The following TAF3 variants were observed in gnomAD, a reference collection of about 807,000 sequenced individuals.
TAF3 encodes TATA-box binding protein associated factor 3, also known as transcription initiation factor TFIID subunit 3.
A neutral mutation model predicts 80.6 loss-of-function variants in TAF3; 7 were observed. The ratio of observed to expected loss-of-function variants is 0.09; its 90% confidence interval spans 0.05 to 0.16. The LOEUF is 0.16. TAF3 is among the 10% of genes least tolerant of loss of function. The probability of loss-of-function intolerance (pLI) is 1.00; values close to 1 mark genes in which losing one functional copy is unlikely to be tolerated. For synonymous variants in TAF3, 444 were observed against 446.1 expected, an observed-to-expected ratio of 1.00 and a Z score of 0.06; for missense variants, 921 against 1,140.2, an observed-to-expected ratio of 0.81 and a Z score of 2.77.
intron 2 of TAF3, among the ~76,000 whole-genome samples, chr10:7,960,936 C>T (rs1392650274): frequency 6.6e-6 from 1 of 152,040 alleles, no homozygotes; most frequent in African/African-American, 2.4e-5. Context: ...TTCTACAAAC[C>T]CTCAATTTCC....
intron 2 of TAF3, chr10:7,833,884 G>A (rs532750060): frequency 2.9e-5 from 24 of 821,290 alleles, no homozygotes; most frequent in African/African-American, 2.9e-4. Flanking sequence ...AGTTTGGAGC[G>A]GTACCCCTTC....
intron 4 of TAF3, among the ~76,000 whole-genome samples, chr10:8,004,540 T>C (rs141061037): frequency 1.4e-3 from 218 of 152,312 alleles, no homozygotes; most frequent in African/African-American, 4.7e-3. Flanking sequence ...GTTTCATCTT[T>C]ATTCCTTAAA....
chr10:7,874,121 T>C (rs116851163), intron 2 of TAF3, among the ~76,000 whole-genome samples: 389 of 152,320 alleles, frequency 2.6e-3, no homozygotes, highest in Non-Finnish European at 3.8e-3. Context: ...GAGCTTGTCA[T>C]ATAAAATATA....
chr10:7,929,078 G>A (rs114132750), intron 2 of TAF3, among the ~76,000 whole-genome samples: 1,688 of 152,144 alleles, frequency 0.011, 33 homozygotes, highest in African/African-American at 0.038. Context: ...GGTTTTTAAG[G>A]GAGGTTTTTG....
At chr10:7,853,867 G>C (rs1273347926) in intron 2 of TAF3, among the ~76,000 whole-genome samples, 1 of 152,172 alleles carries the variant, frequency 6.6e-6, no homozygotes, top group African/African-American at 2.4e-5. Flanking sequence ...TCATCCATCA[G>C]TTGCAACCAC....
chr10:7,828,817 T>G (rs969161102), intron 2 of TAF3, among the ~76,000 whole-genome samples: 1 of 151,940 alleles, frequency 6.6e-6, no homozygotes, highest in African/African-American at 2.4e-5. Context: ...GCGGATCACT[T>G]GAGGTCAGGA....
At chr10:7,884,983 ATTTTTG>A (rs1837395654) in intron 2 of TAF3, among the ~76,000 whole-genome samples, 1 of 141,338 alleles carries the variant, frequency 7.1e-6, no homozygotes, top group Non-Finnish European at 1.6e-5. Flanking sequence ...CTGGAGTTTA[ATTTTTG>A]TTCAGTTTTT....
At chr10:7,867,334 TTTTG>T (rs1837223851) in intron 2 of TAF3, among the ~76,000 whole-genome samples, 2 of 152,176 alleles carry the variant, frequency 1.3e-5, no homozygotes, top group Admixed American at 6.5e-5. Flanking sequence ...TTTAAAATTA[TTTTG>T]TATTTTAGAG....
chr10:7,990,433 T>C (rs1002721170), intron 4 of TAF3, among the ~76,000 whole-genome samples: 37 of 152,220 alleles, frequency 2.4e-4, no homozygotes, highest in Non-Finnish European at 4.6e-4. Flanking sequence ...AATTTGTATC[T>C]GCTTTATATG....
intron 2 of TAF3, chr10:7,833,738 G>A (rs561236477): frequency 2.7e-4 from 63 of 235,832 alleles, no homozygotes; most frequent in African/African-American, 1.4e-3. Context: ...TCTCCTCAGT[G>A]GTGACTTGAG....
intron 2 of TAF3, among the ~76,000 whole-genome samples, chr10:7,857,997 G>A (rs1265125025): frequency 1.3e-5 from 2 of 151,258 alleles, no homozygotes; most frequent in Non-Finnish European, 2.9e-5. Flanking sequence ...GTAGGGGAGA[G>A]TGGAATTTGA....
intron 2 of TAF3, among the ~76,000 whole-genome samples, chr10:7,932,742 G>C (rs1837880146): frequency 7.5e-6 from 1 of 133,866 alleles, no homozygotes; most frequent in East Asian, 2.3e-4. Flanking sequence ...CAGTGGCACA[G>C]TCGTGGCTGA....
rs529245211 is a variant in TAF3 at position 7,934,498 on chromosome 10, G to A, written c.410-29422G>A. 4.6e-5 allele frequency among the ~76,000 whole-genome samples: 7 copies of A among 152,256 alleles called. No homozygotes were observed. The East Asian group carries it at 1.2e-3, about 25-fold the overall frequency. On this transcript the variant is annotated intron_variant, in intron 2 of 6. Transcript: ENST00000344293. ...CTTGTTCTGTCACCCAGGCTGGAGT[G>A]CAGTGGCACGATCTCAGCTCATTGC...
intron 2 of TAF3, among the ~76,000 whole-genome samples, chr10:7,852,742 G>A (rs1837040886): frequency 6.6e-6 from 1 of 152,142 alleles, no homozygotes; most frequent in Admixed American, 6.5e-5. Context: ...TTGCAAATTG[G>A]TAACAGTCTA....
chr10:7,879,582 AC>A (rs1241339283), intron 2 of TAF3, among the ~76,000 whole-genome samples: 2 of 152,230 alleles, frequency 1.3e-5, no homozygotes, highest in African/African-American at 2.4e-5. Context: ...CTCCTGAAAT[AC>A]AAAGTGTAAA....
intron 2 of TAF3, among the ~76,000 whole-genome samples, chr10:7,841,153 G>T (rs1836909111): frequency 6.6e-6 from 1 of 152,160 alleles, no homozygotes; most frequent in Non-Finnish European, 1.5e-5. Flanking sequence ...GCCCGGCCTA[G>T]AGCTTTCCTA....
At chr10:7,905,990 A>G (rs1287358459) in intron 2 of TAF3, among the ~76,000 whole-genome samples, 1 of 152,226 alleles carries the variant, frequency 6.6e-6, no homozygotes, top group Non-Finnish European at 1.5e-5. Context: ...GTTTGTTGGC[A>G]ACTGCTGATC....
At chr10:7,859,153 C>T (rs538203737) in intron 2 of TAF3, among the ~76,000 whole-genome samples, 13 of 151,898 alleles carry the variant, frequency 8.6e-5, no homozygotes, top group Admixed American at 2.6e-4. Flanking sequence ...CCCAGTTACT[C>T]GGGAGGCTGA....
rs760626843 is a variant in TAF3, at chr10:7,964,596, A to G, written c.1086A>G (p.Ile362Met). 11 of 1,614,122 alleles carry G rather than the reference A, an allele frequency of 6.8e-6. No homozygotes were observed. The South Asian group carries it at 1.1e-4, about 16-fold the overall frequency. Residue 362 changes from isoleucine to methionine, a missense_variant, in exon 3 of 7, where the codon ATA becomes ATG. Around this residue, in one of 6 missense-constraint regions of TAF3, gnomAD observed 743 missense variants for 821.0 expected, o/e 0.90. Transcript: ENST00000344293. This position sits in a 1 kb window ranked among gnomAD's most constrained non-coding sequence, Gnocchi z 4.1. The stretch of plus-strand genomic sequence containing the variant: ...AAGAGACTATCCAGGTAAAACAAAT[A>G]CAGACACCCCCTGATGCTGGGAAAC... ...ISKETIQVKQ[I>M]QTPPDAGKLN...
Sources: allele counts gnomAD v4.1 joint callset (sites outside exome capture counted in the v4.1 genomes callset), GRCh38; gene constraint gnomAD v4.1.1; regional missense constraint gnomAD v4.1.1; non-coding constraint Gnocchi (gnomAD v3.1); transcripts MANE v1.5; gene names NCBI Gene and HGNC (gene_info 2026-07-23, HGNC 2026-07-21).